CASZ1: variants seen among roughly 807,000 people sequenced by gnomAD.
CASZ1 encodes zinc finger protein castor homolog 1.
A neutral mutation model predicts 135.2 loss-of-function variants in CASZ1; 28 were observed. The observed-to-expected ratio is 0.21, with a 90% CI of 0.15 to 0.28. CASZ1 has a LOEUF of 0.28. Ranked by LOEUF, CASZ1 falls within the 10% of genes least tolerant of loss-of-function variation. CASZ1 has a pLI of 1.00. For synonymous variants in CASZ1, 1,068 were observed against 1,073.4 expected, an observed-to-expected ratio of 0.99 and a Z score of 0.10; for missense variants, 2,161 against 2,453.3, an observed-to-expected ratio of 0.88 and a Z score of 2.52.
chr1:10,735,043 G>A lies in CASZ1; in HGVS notation c.-77+25658C>T, dbSNP rs1342042245. Among the ~76,000 whole-genome samples the A allele has an allele frequency of 2.0e-5, 3 of 152,188 alleles. No homozygotes were observed. Among genetic ancestry groups the A allele is most frequent in the African/African-American group, 4.8e-5 (2 of 41,454 alleles). ...ATGACCAACGGGACCCTGGGAGGACGCAAGGGAGCTTCTACCCCATTGCAG... is the reference window on the plus strand; with the variant it reads ...ATGACCAACGGGACCCTGGGAGGACACAAGGGAGCTTCTACCCCATTGCAG... On this transcript the variant is annotated intron_variant, in intron 2 of 20. Transcript: ENST00000377022. This position sits in a 1 kb window ranked among gnomAD's most constrained non-coding sequence, Gnocchi z 5.1.
At chr1:10,748,375 A>T (rs1363523021) in intron 2 of CASZ1, among the ~76,000 whole-genome samples, 1 of 152,212 alleles carries the variant, frequency 6.6e-6, no homozygotes, top group Non-Finnish European at 1.5e-5. Context: ...ACGACAAATT[A>T]GGAGTGGGCC....
At position 10,693,854 on chromosome 1, in the gene CASZ1, GCGTTCCCACCGGCCGGTAC is replaced by G. The variant is rs1638844479; in HGVS notation, c.16+1_16+19del. The G allele has an allele frequency of 6.2e-7, 1 of 1,611,134 alleles. No individual in the cohort carries two copies. The highest frequency in any genetic ancestry group is 1.7e-5 in the Admixed American group (1 of 59,964). On this transcript the variant is annotated splice_donor_variant and splice_donor_5th_base_variant and intron_variant, in intron 4 of 20. Transcript: ENST00000377022. LOFTEE classifies it high-confidence loss of function. ...AAAGAAAAGTGAAAGAGCCGCCCCT[GCGTTCCCACCGGCCGGTAC>G]CTGTTCCAAGATCCATTCTCTTCTC...
intron 2 of CASZ1, 94 bp from the exon 3 acceptor site, chr1:10,705,638 C>T (rs996009215): frequency 1.1e-4 from 16 of 152,326 alleles, no homozygotes; most frequent in African/African-American, 2.9e-4. Flanking sequence ...CAGGCGCTCC[C>T]TGCCCCACAT....
chr1:10,677,376 G>C (rs563959007), intron 4 of CASZ1, among the ~76,000 whole-genome samples: 1 of 152,310 alleles, frequency 6.6e-6, no homozygotes, highest in East Asian at 1.9e-4. Flanking sequence ...GGGCAGGAGG[G>C]GACAGGGGCC....
chr1:10,681,103 G>GT (rs1557501003), intron 4 of CASZ1, among the ~76,000 whole-genome samples: 1 of 152,056 alleles, frequency 6.6e-6, no homozygotes, highest in Non-Finnish European at 1.5e-5. Flanking sequence ...GTTTCGCCAT[G>GT]TTGGCCCGGC....
In CASZ1 at chr1:10,717,953, C is replaced by T. The variant is rs763593230; in HGVS notation, c.-76-12409G>A. On this transcript the variant is annotated intron_variant, in intron 2 of 20. Coordinates refer to ENST00000377022, the MANE Select transcript of CASZ1 (RefSeq NM_001079843.3). This position sits in a 1 kb window ranked among gnomAD's most constrained non-coding sequence, Gnocchi z 4.6. ...CGCCTGGTCGCCTCAGCGACCAAAG[C>T]GGGTGCAGGGACGGGCCGAGGGGGC... Among the ~76,000 whole-genome samples the T allele has an allele frequency of 1.1e-4, 17 of 152,242 alleles. No homozygotes were observed. The highest frequency in any genetic ancestry group is 1.9e-4 in the Non-Finnish European group (13 of 68,040).
At chr1:10,740,005 G>A (rs1050887896) in intron 2 of CASZ1, among the ~76,000 whole-genome samples, 6 of 152,256 alleles carry the variant, frequency 3.9e-5, no homozygotes, top group Non-Finnish European at 7.4e-5. Context: ...GTGTCACAGC[G>A]TGTCCTCATT....
At chr1:10,663,360 G>T (rs1255636663) in intron 5 of CASZ1, among the ~76,000 whole-genome samples, 1 of 151,142 alleles carries the variant, frequency 6.6e-6, no homozygotes, top group Non-Finnish European at 1.5e-5. Context: ...ACAGTCACAG[G>T]CAGCCACCTG....
chr1:10,795,370 CT>C (rs1641044865), intron 1 of CASZ1, among the ~76,000 whole-genome samples: 1 of 152,232 alleles, frequency 6.6e-6, no homozygotes, highest in African/African-American at 2.4e-5. Flanking sequence ...CACCAGGTGC[CT>C]ATTTCAGCCC....
intron 11 of CASZ1, chr1:10,653,018 G>A (rs1218820058): frequency 3.2e-6 from 1 of 310,592 alleles, no homozygotes; most frequent in Admixed American, 4.8e-5. Flanking sequence ...CACGCCAGGG[G>A]CCCTGGGCCT....
chr1:10,779,762 G>A (rs188715661), intron 1 of CASZ1, among the ~76,000 whole-genome samples: 7 of 152,262 alleles, frequency 4.6e-5, no homozygotes, highest in Admixed American at 3.3e-4. Flanking sequence ...TCCATGTTTC[G>A]AAACCATCCT....
At position 10,739,270 on chromosome 1, in the gene CASZ1, G is replaced by T. The variant is rs1357352055; in HGVS notation, c.-77+21431C>A. On this transcript the variant is annotated intron_variant, in intron 2 of 20. Transcript: ENST00000377022. The surrounding 1 kb of genome is among the most constrained non-coding windows in gnomAD (Gnocchi z 4.8). The stretch of plus-strand genomic sequence containing the variant: ...ACGAGGGGGGTGTGTGCGCCTGGGG[G>T]TCACCCCTGCTGTCTCTCTGGGTAG... Among the ~76,000 whole-genome samples the T allele has an allele frequency of 6.6e-6, 1 of 152,110 alleles. No homozygotes were observed.
At chr1:10,691,981 G>A (rs1441900835) in intron 4 of CASZ1, among the ~76,000 whole-genome samples, 1 of 152,212 alleles carries the variant, frequency 6.6e-6, no homozygotes, top group Non-Finnish European at 1.5e-5. Flanking sequence ...ACAGGAGGAA[G>A]CAGCTGACCT....
chr1:10,644,868 G>A (rs1307857835), intron 18 of CASZ1, 49 bp downstream of exon 18: 1 of 1,573,234 alleles, frequency 6.4e-7, no homozygotes, highest in African/African-American at 1.3e-5. Flanking sequence ...GGGGGCCATG[G>A]TCTTGATGCC....
chr1:10,659,020 G>GC (rs549159816), intron 6 of CASZ1, among the ~76,000 whole-genome samples: 15 of 152,258 alleles, frequency 9.9e-5, no homozygotes, highest in South Asian at 4.1e-4. Flanking sequence ...GGGTCCGGGA[G>GC]CCCCCCCAGG....
intron 13 of CASZ1, 113 bp from the exon 14 acceptor site, chr1:10,649,550 G>GTC: frequency 3.2e-6 from 4 of 1,260,488 alleles, no homozygotes; most frequent in Non-Finnish European, 4.3e-6. Context: ...AGCCCTCAGA[G>GTC]CCAGCAGAGA....
At chr1:10,765,326 C>A (rs562562780) in intron 1 of CASZ1, among the ~76,000 whole-genome samples, 2 of 151,774 alleles carry the variant, frequency 1.3e-5, no homozygotes, top group South Asian at 2.1e-4. Flanking sequence ...ATTTCATAAA[C>A]CACCCGAGTG....
rs1253495025 is a variant in CASZ1, at chr1:10,739,157, T to C, written c.-77+21544A>G. ...AGAAACAAGTCACCCAGGCATCTTG[T>C]GGAGGGTGGCTGCTCTTTTCAGGCC... On this transcript the variant is annotated intron_variant, in intron 2 of 20. Transcript: ENST00000377022. This position sits in a 1 kb window ranked among gnomAD's most constrained non-coding sequence, Gnocchi z 4.8. Among the ~76,000 whole-genome samples, 1 of 152,082 alleles carries C rather than the reference T, an allele frequency of 6.6e-6. No homozygotes were observed. The highest frequency in any genetic ancestry group is 1.5e-5 in the Non-Finnish European group (1 of 68,006).
intron 4 of CASZ1, among the ~76,000 whole-genome samples, chr1:10,689,316 G>T (rs1300367461): frequency 1.3e-5 from 2 of 152,208 alleles, no homozygotes; most frequent in Non-Finnish European, 2.9e-5. Context: ...AGGAGATGCC[G>T]CTGCGTGGCT....
Sources: gnomAD v4.1 joint callset for allele counts (sites outside exome capture counted in the v4.1 genomes callset) on GRCh38, gnomAD v4.1.1 for gene constraint, Gnocchi (gnomAD v3.1) non-coding constraint, MANE v1.5 for transcripts, NCBI Gene and HGNC (gene_info 2026-07-23, HGNC 2026-07-21) for gene names.